ASIC2: variants seen among roughly 807,000 people sequenced by gnomAD.
ASIC2 encodes acid sensing ion channel subunit 2, also known as acid-sensing ion channel 2.
ASIC2 carries 25 observed loss-of-function variants against 57.3 expected under a neutral mutation model. The ratio of observed to expected loss-of-function variants is 0.44; its 90% CI spans 0.32 to 0.61. The LOEUF (loss-of-function observed/expected upper bound fraction) is 0.61. ASIC2 is among the 20% of genes least tolerant of loss of function. The pLI is 0.06. For missense variants in ASIC2, 641 were observed against 738.1 expected (o/e 0.87, Z 1.52); for synonymous variants, 319 against 307.5 (o/e 1.04, Z -0.39).
At chr17:33,026,486 C>T (rs1475765141) in intron 4 of ASIC2, among the ~76,000 whole-genome samples, 1 of 152,242 alleles carries the variant, frequency 6.6e-6, no homozygotes, top group Non-Finnish European at 1.5e-5. Context: ...GGGCTTTGAA[C>T]AGAGGTCAGT....
chr17:34,099,744 AAG>A (rs760715430), intron 1 of ASIC2, among the ~76,000 whole-genome samples: 2 of 2,482 alleles, frequency 8.1e-4, no homozygotes, highest in Non-Finnish European at 1.2e-3. Flanking sequence ...GAAAGAAAGA[AAG>A]AAAGAAAGAA....
chr17:33,781,686 T>G (rs1295195185), intron 1 of ASIC2, among the ~76,000 whole-genome samples: 1 of 152,018 alleles, frequency 6.6e-6, no homozygotes, highest in Non-Finnish European at 1.5e-5. Flanking sequence ...ATGGAGAAGG[T>G]GGCCCTTGAA....
intron 1 of ASIC2, among the ~76,000 whole-genome samples, chr17:33,352,003 C>T (rs987297519): frequency 6.6e-6 from 1 of 152,114 alleles, no homozygotes; most frequent in Non-Finnish European, 1.5e-5. Flanking sequence ...CACCGCCTGT[C>T]TGATGTCTGC....
chr17:34,038,176 G>C, intron 1 of ASIC2: 2 of 1,612,542 alleles, frequency 1.2e-6, no homozygotes, highest in Non-Finnish European at 1.7e-6. Flanking sequence ...CATAGTGTAT[G>C]ATGGGAGGTT....
At chr17:33,171,037 T>C (rs1597614556) in intron 1 of ASIC2, among the ~76,000 whole-genome samples, 1 of 152,286 alleles carries the variant, frequency 6.6e-6, no homozygotes, top group East Asian at 1.9e-4. Context: ...TGGAATTGGC[T>C]CCTCAGCCTC....
intron 1 of ASIC2, among the ~76,000 whole-genome samples, chr17:33,278,725 G>T (rs1038249963): frequency 4.6e-5 from 7 of 152,068 alleles, no homozygotes; most frequent in African/African-American, 1.7e-4. Flanking sequence ...TTTATTGAAT[G>T]AATGAATGAA....
chr17:33,870,281 T>C (rs773416301), intron 1 of ASIC2, among the ~76,000 whole-genome samples: 1 of 102,720 alleles, frequency 9.7e-6, no homozygotes, highest in African/African-American at 3.2e-5. Flanking sequence ...AGGCTCTCTG[T>C]GGTTGCTGTT....
At chr17:33,443,712 G>A (rs1245784037) in intron 1 of ASIC2, among the ~76,000 whole-genome samples, 3 of 151,728 alleles carry the variant, frequency 2.0e-5, no homozygotes, top group African/African-American at 4.8e-5. Context: ...CACCGCGCCC[G>A]GCCGGAGGGT....
intron 1 of ASIC2, among the ~76,000 whole-genome samples, chr17:33,908,921 C>T (rs529793511): frequency 6.6e-6 from 1 of 152,308 alleles, no homozygotes; most frequent in South Asian, 2.1e-4. Flanking sequence ...ATCCCCTATT[C>T]CTTCCTTTCT....
intron 1 of ASIC2, among the ~76,000 whole-genome samples, chr17:33,979,544 G>A (rs1471249277): frequency 2.0e-5 from 3 of 152,096 alleles, no homozygotes; most frequent in East Asian, 1.9e-4. Flanking sequence ...CTCTGCACTC[G>A]ACCTCCTCAG....
intron 1 of ASIC2, among the ~76,000 whole-genome samples, chr17:33,340,709 G>A (rs1262050852): frequency 1.3e-5 from 2 of 152,094 alleles, no homozygotes; most frequent in Admixed American, 1.3e-4. Flanking sequence ...CACAGAGGGG[G>A]CTCCTGCATC....
At chr17:33,605,203 C>T (rs890581935) in intron 1 of ASIC2, among the ~76,000 whole-genome samples, 1 of 152,236 alleles carries the variant, frequency 6.6e-6, no homozygotes, top group Non-Finnish European at 1.5e-5. Flanking sequence ...CCTTCTGTGT[C>T]TGCCGGCATG....
At chr17:33,334,111 A>C (rs1054578637) in intron 1 of ASIC2, among the ~76,000 whole-genome samples, 3 of 152,154 alleles carry the variant, frequency 2.0e-5, no homozygotes, top group Admixed American at 6.5e-5. Flanking sequence ...TCTTCCCCTA[A>C]AGCAGCAGAA....
chr17:33,881,682 C>T (rs938058108), intron 1 of ASIC2, among the ~76,000 whole-genome samples: 1 of 152,172 alleles, frequency 6.6e-6, no homozygotes, highest in Non-Finnish European at 1.5e-5. Context: ...AATGGCCATA[C>T]TGCCCAAGGT....
At chr17:33,810,678 T>C (rs143307518) in intron 1 of ASIC2, among the ~76,000 whole-genome samples, 12 of 152,326 alleles carry the variant, frequency 7.9e-5, no homozygotes, top group Non-Finnish European at 1.6e-4. Flanking sequence ...GTTCAAATTA[T>C]GTGAGTTAGT....
chr17:33,246,013 C>T (rs1453643995), intron 1 of ASIC2, among the ~76,000 whole-genome samples: 2 of 140,088 alleles, frequency 1.4e-5, no homozygotes, highest in Non-Finnish European at 3.1e-5. Context: ...ATAGTGAGAC[C>T]CTCCCTACCT....
At chr17:33,350,127 C>T (rs1166760659) in intron 1 of ASIC2, among the ~76,000 whole-genome samples, 2 of 152,158 alleles carry the variant, frequency 1.3e-5, no homozygotes, top group Non-Finnish European at 1.5e-5. Flanking sequence ...ATTGAGTCTC[C>T]TTGGATTCTA....
At chr17:33,177,290 G>A (rs1160883610) in intron 1 of ASIC2, among the ~76,000 whole-genome samples, 1 of 151,736 alleles carries the variant, frequency 6.6e-6, no homozygotes, top group African/African-American at 2.4e-5. Context: ...GGTCCTCCAG[G>A]AGCCCGAGAT....
intron 1 of ASIC2, among the ~76,000 whole-genome samples, chr17:34,007,477 G>A (rs1247110213): frequency 6.6e-6 from 1 of 152,154 alleles, no homozygotes; most frequent in Non-Finnish European, 1.5e-5. Flanking sequence ...GGAGTGCTGG[G>A]ATAAGCTGCT....
Sources: gnomAD v4.1 joint callset for allele counts (sites outside exome capture counted in the v4.1 genomes callset) on GRCh38, gnomAD v4.1.1 for gene constraint, MANE v1.5 for transcripts, NCBI Gene and HGNC (gene_info 2026-07-23, HGNC 2026-07-21) for gene names.